Variants in RNF144A observed in about 807,000 individuals in gnomAD.
RNF144A encodes the protein ring finger protein 144A, also known as E3 ubiquitin-protein ligase RNF144A.
A neutral mutation model predicts 38.7 loss-of-function variants in RNF144A; 11 were observed. That is an observed-to-expected ratio of 0.28 (90% CI 0.18 to 0.47). The LOEUF is 0.47. Ranked by LOEUF, RNF144A falls within the 20% of genes least tolerant of loss-of-function variation. The probability of loss-of-function intolerance (pLI) is 0.99; values close to 1 mark genes in which losing one functional copy is unlikely to be tolerated. For missense variants in RNF144A, 316 were observed against 377.2 expected (o/e 0.84, Z 1.34); for synonymous variants, 149 against 143.9 (o/e 1.04, Z -0.25).
chr2:7,037,969 G>A (rs1212802542), intron 8 of RNF144A, among the ~76,000 whole-genome samples: 7 of 152,190 alleles, frequency 4.6e-5, no homozygotes, highest in Admixed American at 3.9e-4. Context: ...TGCCTGCCTG[G>A]GTTGGGACTC....
intron 6 of RNF144A, among the ~76,000 whole-genome samples, chr2:7,051,066 G>A (rs919982371): frequency 5.3e-5 from 8 of 152,178 alleles, no homozygotes; most frequent in Non-Finnish European, 1.0e-4. Flanking sequence ...AGTCTAGTGC[G>A]GCAGGCCGGA....
At chr2:7,062,063 G>GC (rs1382385744) in intron 6 of RNF144A, among the ~76,000 whole-genome samples, 3 of 152,162 alleles carry the variant, frequency 2.0e-5, no homozygotes, top group Non-Finnish European at 4.4e-5. Flanking sequence ...AGATAACTCA[G>GC]CCACCTGTGA....
chr2:7,014,096 A>G, intron 3 of RNF144A, among the ~76,000 whole-genome samples: 1 of 152,238 alleles, frequency 6.6e-6, no homozygotes, highest in Admixed American at 6.5e-5. Context: ...TATTTAATGC[A>G]GTGCCTGCAT....
In RNF144A at chr2:7,041,138, G is replaced by C; in HGVS notation, c.*1378G>C. 3 of 980,408 alleles carry C rather than the reference G, an allele frequency of 3.1e-6. No individual in the cohort carries two copies. Among genetic ancestry groups the C allele is most frequent in the Non-Finnish European group, 3.6e-6 (3 of 825,392 alleles). The allele number at this position is 980,408 out of a possible 1,614,324, so 60.7% of individuals were successfully genotyped here. A position where few individuals can be genotyped will look rare whatever the true frequency, so the allele number is the denominator to read the frequency against. On this transcript the variant is annotated 3_prime_UTR_variant, in exon 9 of 9. Transcript: ENST00000320892. Reference sequence around the variant, plus strand: ...CTAAAAATAACAGGCAAATATTGTAGCTATATTACAGTGGGATTTTAAAAA... The same window carrying C: ...CTAAAAATAACAGGCAAATATTGTACCTATATTACAGTGGGATTTTAAAAA...
At chr2:6,963,376 T>C (rs1667462805) in intron 2 of RNF144A, among the ~76,000 whole-genome samples, 2 of 152,238 alleles carry the variant, frequency 1.3e-5, no homozygotes, top group Admixed American at 6.5e-5. Flanking sequence ...TGTTCCTTAA[T>C]GGACTGATGA....
chr2:7,070,901 C>T (rs576522430), downstream of RNF144A, among the ~76,000 whole-genome samples: 7 of 150,696 alleles, frequency 4.6e-5, no homozygotes, highest in South Asian at 1.3e-3. Context: ...TGTGCCAATA[C>T]ATTTCTATTG....
intron 2 of RNF144A, among the ~76,000 whole-genome samples, chr2:6,961,488 C>T (rs1667335676): frequency 6.6e-6 from 1 of 152,020 alleles, no homozygotes; most frequent in Non-Finnish European, 1.5e-5. Flanking sequence ...TCCCTGCGAT[C>T]CAGAGTATTT....
At chr2:6,995,153 G>A (rs1393451308) in intron 2 of RNF144A, among the ~76,000 whole-genome samples, 3 of 151,982 alleles carry the variant, frequency 2.0e-5, no homozygotes, top group Non-Finnish European at 2.9e-5. Context: ...CTAAATATTA[G>A]CGCAGTGACA....
At position 6,935,469 on chromosome 2, in the gene RNF144A, G is replaced by A. The variant is rs187546168; in HGVS notation, c.-211-5479G>A. On this transcript the variant is annotated intron_variant, in intron 1 of 8. Transcript: ENST00000320892. ...CATCTCTGTGTTTGGACATCCGAGG[G>A]CCCCACGGCTCCATCCTCAGGCCTC... 3.9e-5 allele frequency among the ~76,000 whole-genome samples: 6 copies of A among 152,302 alleles called. No homozygotes were observed. The East Asian group carries it at 9.6e-4, about 24-fold the overall frequency.
chr2:7,018,902 G>A (rs538677133), intron 5 of RNF144A, among the ~76,000 whole-genome samples: 13 of 151,640 alleles, frequency 8.6e-5, no homozygotes, highest in African/African-American at 2.9e-4. Context: ...AAAAAAAAAA[G>A]GCAGAGGGCA....
intron 2 of RNF144A, among the ~76,000 whole-genome samples, chr2:6,963,903 G>C (rs916472470): frequency 9.2e-5 from 14 of 152,066 alleles, no homozygotes; most frequent in African/African-American, 3.4e-4. Flanking sequence ...CATCCTTCTG[G>C]CAGCTGTGCA....
intron 2 of RNF144A, among the ~76,000 whole-genome samples, chr2:6,942,783 A>C (rs572680188): frequency 6.6e-5 from 10 of 152,328 alleles, no homozygotes; most frequent in African/African-American, 2.4e-4. Flanking sequence ...CAGGAGTTTG[A>C]GACCAGCCTG....
chr2:7,014,938 A>G (rs1358789819), intron 5 of RNF144A, among the ~76,000 whole-genome samples, 166 bp downstream of exon 5: 1 of 152,244 alleles, frequency 6.6e-6, no homozygotes, highest in Non-Finnish European at 1.5e-5. Context: ...GATTCTCTGA[A>G]CAGCTCACAG....
chr2:7,015,645 T>A (rs1156477431), intron 5 of RNF144A, among the ~76,000 whole-genome samples: 1 of 151,942 alleles, frequency 6.6e-6, no homozygotes, highest in East Asian at 1.9e-4. Flanking sequence ...CTGTAAAGAG[T>A]CTGTGGACTC....
At chr2:6,929,779 T>C (rs1665090623) in intron 1 of RNF144A, among the ~76,000 whole-genome samples, 1 of 152,244 alleles carries the variant, frequency 6.6e-6, no homozygotes, top group Admixed American at 6.5e-5. Context: ...AGTTACGATA[T>C]AACTACCATT....
In RNF144A at chr2:7,040,053, T is replaced by A; in HGVS notation, c.*293T>A. The stretch of plus-strand genomic sequence containing the variant: ...GCACCAGGCAGCTTTCTCTCTGTGG[T>A]AGACTAGGCATGTCTGGGGATGGCC... On this transcript the variant is annotated 3_prime_UTR_variant, in exon 9 of 9. Transcript: ENST00000320892. 8.9e-7 allele frequency: 1 copy of A among 1,129,024 alleles called. No homozygotes were observed. Among genetic ancestry groups the A allele is most frequent in the Non-Finnish European group, 1.1e-6 (1 of 919,180 alleles). 69.9% of individuals were successfully genotyped at this position (1,129,024 alleles called of 1,614,324 possible). A position where few individuals can be genotyped will look rare whatever the true frequency, so the allele number is the denominator to read the frequency against.
chr2:7,051,255 C>T (rs996050004), intron 6 of RNF144A, among the ~76,000 whole-genome samples: 4 of 152,226 alleles, frequency 2.6e-5, no homozygotes, highest in South Asian at 4.1e-4. Flanking sequence ...CAAGTAAAGC[C>T]GCAGACGCCC....
At chr2:6,981,981 AGGC>A (rs1668659510) in intron 2 of RNF144A, among the ~76,000 whole-genome samples, 1 of 152,220 alleles carries the variant, frequency 6.6e-6, no homozygotes, top group South Asian at 2.1e-4. Context: ...CTTCTTCACA[AGGC>A]GGCAGGAGAG....
At chr2:7,038,380 C>A (rs2103459665) in intron 8 of RNF144A, among the ~76,000 whole-genome samples, 1 of 152,310 alleles carries the variant, frequency 6.6e-6, no homozygotes, top group East Asian at 1.9e-4. Context: ...CCCCTGGAAC[C>A]TGATGGCAGT....
Sources: gnomAD v4.1 joint callset for allele counts (sites outside exome capture counted in the v4.1 genomes callset) on GRCh38, gnomAD v4.1.1 for gene constraint, MANE v1.5 for transcripts, NCBI Gene and HGNC (gene_info 2026-07-23, HGNC 2026-07-21) for gene names.